Variants in AFG2A observed in about 807,000 individuals in gnomAD.
The protein encoded by AFG2A is ATPase family gene 2 protein homolog A.
At chr4:123,048,129 T>C in the AFG2A span, among the ~76,000 whole-genome samples, 2 of 152,318 alleles carry the variant, frequency 1.3e-5, no homozygotes, top group South Asian at 2.1e-4. Flanking sequence ...CTTTCCCCAG[T>C]GTGTGTTCTT....
At chr4:123,163,360 G>A in the AFG2A span, among the ~76,000 whole-genome samples, 1 of 151,898 alleles carries the variant, frequency 6.6e-6, no homozygotes, top group African/African-American at 2.4e-5. Context: ...TGCTTGAACC[G>A]GGACCCAGGA....
At chr4:122,951,038 A>G in the AFG2A span, among the ~76,000 whole-genome samples, 1 of 152,154 alleles carries the variant, frequency 6.6e-6, no homozygotes, top group Admixed American at 6.5e-5. Context: ...TCCCTTGAGG[A>G]GACGAATGCA....
the AFG2A span, among the ~76,000 whole-genome samples, chr4:123,141,353 C>T: frequency 6.6e-6 from 1 of 152,272 alleles, no homozygotes; most frequent in Admixed American, 6.5e-5. Context: ...GTCCCAGCTA[C>T]TCAGGAGACT....
chr4:122,978,352 C>T, the AFG2A span, among the ~76,000 whole-genome samples: 1 of 152,190 alleles, frequency 6.6e-6, no homozygotes, highest in African/African-American at 2.4e-5. Context: ...GGTGAGGAGA[C>T]CCAGGGTGGG....
At chr4:122,996,985 A>T in the AFG2A span, among the ~76,000 whole-genome samples, 1 of 152,142 alleles carries the variant, frequency 6.6e-6, no homozygotes, top group Admixed American at 6.6e-5. Context: ...GCCTGCCCAC[A>T]TTGAGGGCTG....
chr4:123,022,386 A>G, the AFG2A span, among the ~76,000 whole-genome samples: 5 of 152,166 alleles, frequency 3.3e-5, no homozygotes, highest in Non-Finnish European at 7.3e-5. Context: ...ATATGAACAG[A>G]CACTTCTCAA....
chr4:122,991,309 C>T, the AFG2A span, among the ~76,000 whole-genome samples: 4 of 152,136 alleles, frequency 2.6e-5, no homozygotes, highest in African/African-American at 9.7e-5. Flanking sequence ...TTGAGGCTTG[C>T]CTTCCCTTGC....
chr4:123,243,588 G>A, the AFG2A span, among the ~76,000 whole-genome samples: 2 of 152,102 alleles, frequency 1.3e-5, no homozygotes, highest in Admixed American at 1.3e-4. Context: ...CACACACTGG[G>A]GCCTGTCAGG....
the AFG2A span, among the ~76,000 whole-genome samples, chr4:123,083,559 C>CTTTTTTTTTTTTTT: frequency 7.5e-6 from 1 of 132,886 alleles, no homozygotes. Context: ...TATAATTATT[C>CTTTTTTTTTTTTTT]TTTTTTTTTT....
chr4:122,960,932 G>C, the AFG2A span, among the ~76,000 whole-genome samples: 1 of 152,198 alleles, frequency 6.6e-6, no homozygotes, highest in African/African-American at 2.4e-5. Context: ...TTCTAAGTTA[G>C]AATTAAAATA....
the AFG2A span, among the ~76,000 whole-genome samples, chr4:122,937,908 CT>C: frequency 6.6e-6 from 1 of 152,064 alleles, no homozygotes; most frequent in East Asian, 1.9e-4. Context: ...ATTACCCAGC[CT>C]TTTAATGGAG....
chr4:123,067,002 C>T, the AFG2A span, among the ~76,000 whole-genome samples: 2 of 152,218 alleles, frequency 1.3e-5, no homozygotes, highest in African/African-American at 4.8e-5. Flanking sequence ...AGAGAGATGG[C>T]CTGTTGCAGC....
At chr4:122,982,326 G>A in the AFG2A span, among the ~76,000 whole-genome samples, 1 of 152,168 alleles carries the variant, frequency 6.6e-6, no homozygotes, top group Non-Finnish European at 1.5e-5. Flanking sequence ...TGAACCAGCA[G>A]CCTTGCATCC....
At chr4:123,066,329 CT>C in the AFG2A span, among the ~76,000 whole-genome samples, 1 of 152,068 alleles carries the variant, frequency 6.6e-6, no homozygotes, top group East Asian at 1.9e-4. Flanking sequence ...CTAAATGACA[CT>C]TTTCAAGAAG....
the AFG2A span, chr4:122,923,282 C>T: frequency 6.2e-7 from 1 of 1,613,978 alleles, no homozygotes; most frequent in Non-Finnish European, 8.5e-7. Context: ...GGGACTCTGA[C>T]GGTGACCAAC....
chr4:123,068,693 C>G, the AFG2A span, among the ~76,000 whole-genome samples: 18 of 151,708 alleles, frequency 1.2e-4, no homozygotes, highest in South Asian at 2.3e-3. Flanking sequence ...ATTCTCTTAC[C>G]TCAGATGTCC....
At chr4:123,017,004 C>T in the AFG2A span, among the ~76,000 whole-genome samples, 197 of 152,248 alleles carry the variant, frequency 1.3e-3, no homozygotes, top group African/African-American at 4.2e-3. Context: ...CGCCTGCAAT[C>T]GCAGGCCCTC....
the AFG2A span, among the ~76,000 whole-genome samples, chr4:123,074,035 T>G: frequency 2.0e-5 from 3 of 152,072 alleles, no homozygotes; most frequent in African/African-American, 7.2e-5. Flanking sequence ...TTTCAGAGTT[T>G]TGAGTCCATT....
At chr4:123,037,599 G>A in the AFG2A span, among the ~76,000 whole-genome samples, 1,684 of 151,968 alleles carry the variant, frequency 0.011, 44 homozygotes, top group African/African-American at 0.037. Flanking sequence ...AGATATAAAT[G>A]GTCTCTTGTT....
Sources: allele counts gnomAD v4.1 joint callset (sites outside exome capture counted in the v4.1 genomes callset), GRCh38; gene constraint gnomAD v4.1.1; transcripts MANE v1.5; gene names NCBI Gene and HGNC (gene_info 2026-07-23, HGNC 2026-07-21).